The following SLC67A1 variants were observed in gnomAD, a reference collection of about 807,000 sequenced individuals.
SLC67A1 encodes solute carrier family 67 member A1.
the SLC67A1 span, among the ~76,000 whole-genome samples, chr11:2,922,733 G>T: frequency 6.6e-6 from 1 of 151,798 alleles, no homozygotes; most frequent in African/African-American, 2.4e-5. Context: ...GGATGAGTAA[G>T]GTGGGGAGCC....
At chr11:2,917,701 G>A in the SLC67A1 span, among the ~76,000 whole-genome samples, 1 of 152,256 alleles carries the variant, frequency 6.6e-6, no homozygotes, top group East Asian at 1.9e-4. Context: ...TGCATGCCCA[G>A]GTTGAGGCCA....
At chr11:2,924,213 G>A in the SLC67A1 span, among the ~76,000 whole-genome samples, 4 of 152,228 alleles carry the variant, frequency 2.6e-5, no homozygotes, top group Non-Finnish European at 4.4e-5. This position sits in a 1 kb window ranked among gnomAD's most constrained non-coding sequence, Gnocchi z 8.6. Flanking sequence ...CGGTGTCAGG[G>A]ACAGAGCAGG....
At chr11:2,917,012 C>T in the SLC67A1 span, 91,721 of 491,702 alleles carry the variant, frequency 0.19, 9,706 homozygotes, top group Non-Finnish European at 0.2. Flanking sequence ...AGGGGAGGCC[C>T]AGACAGGGAA....
At chr11:2,903,793 A>C in the SLC67A1 span, 1 of 401,374 alleles carries the variant, frequency 2.5e-6, no homozygotes, top group East Asian at 4.3e-5. Context: ...CCTGCCTCTC[A>C]CCCGGCAGCC....
the SLC67A1 span, chr11:2,903,144 T>C: frequency 4.0e-3 from 5,195 of 1,301,516 alleles, 186 homozygotes; most frequent in African/African-American, 0.069. Flanking sequence ...CCCTGATGTG[T>C]CCTCTAAGGT....
At chr11:2,914,676 C>T in the SLC67A1 span, 6 of 984,556 alleles carry the variant, frequency 6.1e-6, no homozygotes, top group Non-Finnish European at 7.2e-6. Context: ...GGCTTCCTGC[C>T]ACCATGCCTT....
chr11:2,904,676 C>G, the SLC67A1 span, among the ~76,000 whole-genome samples: 1 of 152,210 alleles, frequency 6.6e-6, no homozygotes, highest in Non-Finnish European at 1.5e-5. Flanking sequence ...GATGTCAGAA[C>G]CTGAAATATT....
At chr11:2,909,134 G>A in the SLC67A1 span, 2 of 1,412,882 alleles carry the variant, frequency 1.4e-6, no homozygotes, top group African/African-American at 1.5e-5. Context: ...GGCAGCCCCT[G>A]GACGGGGGGA....
At chr11:2,903,501 AC>A in the SLC67A1 span, 29 of 1,611,388 alleles carry the variant, frequency 1.8e-5, no homozygotes, top group East Asian at 6.5e-4. Context: ...TGAGTAACAC[AC>A]CCCAGCCCCT....
the SLC67A1 span, chr11:2,916,904 A>C: frequency 1.6e-6 from 1 of 622,022 alleles, no homozygotes; most frequent in African/African-American, 1.9e-5. Context: ...GACATCATAG[A>C]AGCCAAGTGA....
At chr11:2,915,191 G>A in the SLC67A1 span, 3 of 985,266 alleles carry the variant, frequency 3.0e-6, no homozygotes, top group African/African-American at 5.2e-5. Context: ...ACTCAGAGGT[G>A]GCCCCACTGA....
chr11:2,909,331 C>G, the SLC67A1 span: 6 of 1,530,660 alleles, frequency 3.9e-6, no homozygotes, highest in Non-Finnish European at 5.2e-6. Context: ...CGCGCCTGCC[C>G]GGAGCGCTCA....
chr11:2,922,083 CCTCT>C, the SLC67A1 span: 3 of 1,595,768 alleles, frequency 1.9e-6, no homozygotes, highest in Non-Finnish European at 2.6e-6. Flanking sequence ...CCACTTCTAC[CCTCT>C]CTGTCTGGCT....
chr11:2,908,383 T>C, the SLC67A1 span: 1 of 1,365,214 alleles, frequency 7.3e-7, no homozygotes, highest in Non-Finnish European at 1.0e-6. Context: ...AGGCCCCCTC[T>C]CAGACGCCAT....
At chr11:2,922,085 T>TCTCTGTCTGG in the SLC67A1 span, 8 of 1,599,738 alleles carry the variant, frequency 5.0e-6, no homozygotes, top group South Asian at 8.8e-5. Context: ...ACTTCTACCC[T>TCTCTGTCTGG]CTCTGTCTGG....
chr11:2,901,042 C>T, the SLC67A1 span, among the ~76,000 whole-genome samples: 68 of 152,186 alleles, frequency 4.5e-4, no homozygotes, highest in Admixed American at 5.2e-4. Context: ...TGTGGAAAGG[C>T]GGGGTTCTGA....
the SLC67A1 span, among the ~76,000 whole-genome samples, chr11:2,906,059 C>T: frequency 6.6e-6 from 1 of 152,154 alleles, no homozygotes; most frequent in East Asian, 1.9e-4. Flanking sequence ...ACTCAGCATC[C>T]TCTATGAACA....
chr11:2,923,400 A>AG, the SLC67A1 span, among the ~76,000 whole-genome samples: 3 of 39,508 alleles, frequency 7.6e-5, no homozygotes, highest in African/African-American at 3.3e-4. This position sits in a 1 kb window ranked among gnomAD's most constrained non-coding sequence, Gnocchi z 6.5. Flanking sequence ...AGATCCAGAA[A>AG]CTCAGGGCAC....
chr11:2,925,182 G>T, the SLC67A1 span: 1 of 1,613,228 alleles, frequency 6.2e-7, no homozygotes, highest in Non-Finnish European at 8.5e-7. This position sits in a 1 kb window ranked among gnomAD's most constrained non-coding sequence, Gnocchi z 6.5. Flanking sequence ...CCCAGAGGAA[G>T]GACAAAGTCC....
Sources: gnomAD v4.1 joint callset for allele counts (sites outside exome capture counted in the v4.1 genomes callset) on GRCh38, gnomAD v4.1.1 for gene constraint, Gnocchi (gnomAD v3.1) non-coding constraint, MANE v1.5 for transcripts, NCBI Gene and HGNC (gene_info 2026-07-23, HGNC 2026-07-21) for gene names.